Variants in EGFR observed in about 807,000 individuals in gnomAD.
EGFR encodes the protein avian erythroblastic leukemia viral (v-erb-b) oncogene homolog.
A neutral mutation model predicts 143.0 loss-of-function variants in EGFR; 58 were observed. The ratio of observed to expected loss-of-function variants is 0.41; its 90% CI spans 0.33 to 0.50. The LOEUF is 0.50. EGFR is among the 20% of genes least tolerant of loss of function. The probability of loss-of-function intolerance (pLI) is 0.39; values close to 1 mark genes in which losing one functional copy is unlikely to be tolerated. For missense variants in EGFR, 1,307 were observed against 1,579.0 expected (o/e 0.83, Z 2.92); for synonymous variants, 613 against 594.4 (o/e 1.03, Z -0.45).
chr7:55,203,444 TAC>T (rs1460954607), intron 27 of EGFR, among the ~76,000 whole-genome samples: 1 of 106,398 alleles, frequency 9.4e-6, no homozygotes, highest in African/African-American at 3.9e-5. Flanking sequence ...GTACACACAC[TAC>T]AGACATGTAT....
At chr7:55,021,624 C>T (rs1786570908) in intron 1 of EGFR, among the ~76,000 whole-genome samples, 2 of 152,104 alleles carry the variant, frequency 1.3e-5, no homozygotes, top group African/African-American at 2.4e-5. Context: ...AGGAGATGAG[C>T]TCTTTTAACA....
chr7:55,129,282 G>A (rs1181462652), intron 1 of EGFR, among the ~76,000 whole-genome samples: 1 of 152,260 alleles, frequency 6.6e-6, no homozygotes, highest in Non-Finnish European at 1.5e-5. Flanking sequence ...GAGGGCTGTG[G>A]AGGCGGGGAA....
chr7:55,170,766 G>A lies in EGFR; in HGVS notation c.1881-409G>A, dbSNP rs75529744. 5,053 of 1,451,448 alleles carry A rather than the reference G, an allele frequency of 3.5e-3. 167 individuals carry two copies. In the East Asian group the frequency reaches 0.082, roughly 24 times the overall value. 89.9% of individuals were successfully genotyped at this position (1,451,448 alleles called of 1,614,324 possible). A position where few individuals can be genotyped will look rare whatever the true frequency, so the allele number is the denominator to read the frequency against. On this transcript the variant is annotated intron_variant, in intron 15 of 27. Transcript: ENST00000275493. Reference sequence around the variant, plus strand: ...GCACAGAATTTGTCAGAAACCTGCAGGGACTCCATGCTGCCAGCCTTCTCC... The same window carrying A: ...GCACAGAATTTGTCAGAAACCTGCAAGGACTCCATGCTGCCAGCCTTCTCC...
chr7:55,203,464 TACAC>T (rs55814910), intron 27 of EGFR, among the ~76,000 whole-genome samples: 44,892 of 142,022 alleles, frequency 0.32, 6,842 homozygotes, highest in Middle Eastern at 0.44. Flanking sequence ...TATGCACACA[TACAC>T]ACACACCACA....
intron 17 of EGFR, among the ~76,000 whole-genome samples, chr7:55,173,487 G>A (rs912179227): frequency 2.0e-5 from 3 of 152,206 alleles, no homozygotes; most frequent in African/African-American, 7.2e-5. Context: ...CCACACAGTG[G>A]CTTTGTCCAT....
chr7:55,088,156 G>T (rs56659219), intron 1 of EGFR, among the ~76,000 whole-genome samples: 29,098 of 151,980 alleles, frequency 0.19, 3,193 homozygotes, highest in African/African-American at 0.28. Flanking sequence ...CCCCCACAAA[G>T]CCTGAGGTAC....
intron 1 of EGFR, among the ~76,000 whole-genome samples, chr7:55,049,352 C>T (rs1242645859): frequency 6.6e-6 from 1 of 152,140 alleles, no homozygotes; most frequent in Non-Finnish European, 1.5e-5. Context: ...ATTACCAAAC[C>T]GCCTCTTTCT....
chr7:55,102,812 G>A (rs996951029), intron 1 of EGFR, among the ~76,000 whole-genome samples: 3 of 152,024 alleles, frequency 2.0e-5, no homozygotes, highest in African/African-American at 7.3e-5. Context: ...TTCTCAGGAG[G>A]CACACTATGT....
rs538929258 is a variant in EGFR at position 55,035,094 on chromosome 7, A to G, written c.88+15729A>G. Among the ~76,000 whole-genome samples the G allele has an allele frequency of 9.0e-4, 137 of 152,328 alleles. 1 individual carries two copies. Among genetic ancestry groups the G allele is most frequent in the African/African-American group, 2.8e-3 (118 of 41,572 alleles). On this transcript the variant is annotated intron_variant, in intron 1 of 27. Transcript: ENST00000275493. ...GGGAAGTGGCCTTCGAGCTTAACAC[A>G]TAAGACTTGGGAGGCAAAACCTTTT...
chr7:55,092,986 G>A (rs1012417291), intron 1 of EGFR, among the ~76,000 whole-genome samples: 1 of 152,254 alleles, frequency 6.6e-6, no homozygotes, highest in African/African-American at 2.4e-5. Context: ...CACATGGACA[G>A]AGTTCATGTA....
chr7:55,181,722 A>G, intron 20 of EGFR: 1 of 581,174 alleles, frequency 1.7e-6, no homozygotes, highest in Non-Finnish European at 3.1e-6. Context: ...CTCTTTATTG[A>G]GTGCTCAGTG....
At chr7:55,173,875 G>T (rs935037467) in intron 17 of EGFR, 46 bp from the exon 18 acceptor site, 5 of 1,614,094 alleles carry the variant, frequency 3.1e-6, no homozygotes, top group Non-Finnish European at 2.5e-6. Flanking sequence ...TTCCAGCATG[G>T]TGAGGGCTGA....
chr7:55,172,778 T>C (rs1026482691), intron 16 of EGFR: 1 of 1,445,084 alleles, frequency 6.9e-7, no homozygotes, highest in Non-Finnish European at 9.4e-7. Context: ...GTGTGCCTGG[T>C]AGGGGACTGG....
chr7:55,061,796 C>T (rs970248140), intron 1 of EGFR, among the ~76,000 whole-genome samples: 3 of 152,130 alleles, frequency 2.0e-5, no homozygotes, highest in African/African-American at 7.2e-5. Flanking sequence ...ACTTAACCTA[C>T]CAGGCAATTT....
At chr7:55,195,471 A>G (rs957250710) in intron 22 of EGFR, among the ~76,000 whole-genome samples, 1 of 152,184 alleles carries the variant, frequency 6.6e-6, no homozygotes, top group Non-Finnish European at 1.5e-5. Flanking sequence ...TATGCTTGTT[A>G]TATCTATATT....
intron 1 of EGFR, among the ~76,000 whole-genome samples, chr7:55,029,992 CA>C (rs557303425): frequency 1.2e-3 from 180 of 152,330 alleles, no homozygotes; most frequent in African/African-American, 4.1e-3. Flanking sequence ...ATAGTTTACA[CA>C]ATGCCTTAAC....
chr7:55,093,712 A>G lies in EGFR; in HGVS notation c.89-48574A>G, dbSNP rs1791271746. 2.0e-5 allele frequency among the ~76,000 whole-genome samples: 3 copies of G among 152,164 alleles called. No homozygotes were observed. The South Asian group carries it at 6.2e-4, about 32-fold the overall frequency. Reference sequence around the variant, plus strand: ...CATTCCAATTTTGATGGAAACTTTTAGCTGGTGGATGGCATTTTGTTTTGT... The same window carrying G: ...CATTCCAATTTTGATGGAAACTTTTGGCTGGTGGATGGCATTTTGTTTTGT... On this transcript the variant is annotated intron_variant, in intron 1 of 27. Transcript: ENST00000275493.
chr7:55,042,142 T>A (rs1787934101), intron 1 of EGFR, among the ~76,000 whole-genome samples: 1 of 152,216 alleles, frequency 6.6e-6, no homozygotes, highest in African/African-American at 2.4e-5. Context: ...TGATTTTAAG[T>A]GCCTGATAAA....
At chr7:55,056,064 AG>A (rs1376318021) in intron 1 of EGFR, among the ~76,000 whole-genome samples, 1 of 152,112 alleles carries the variant, frequency 6.6e-6, no homozygotes, top group Non-Finnish European at 1.5e-5. Context: ...AATTAAAGAG[AG>A]GGTACAAAAG....
Sources: allele counts gnomAD v4.1 joint callset (sites outside exome capture counted in the v4.1 genomes callset), GRCh38; gene constraint gnomAD v4.1.1; transcripts MANE v1.5; gene names NCBI Gene and HGNC (gene_info 2026-07-23, HGNC 2026-07-21).